The following CIT variants were observed in gnomAD, a reference collection of about 807,000 sequenced individuals.
CIT encodes citron rho-interacting serine/threonine kinase, also known as citron Rho-interacting kinase.
Under a neutral mutation model 272.7 loss-of-function variants are expected in CIT, and 79 were observed. The ratio of observed to expected loss-of-function variants is 0.29; its 90% CI spans 0.24 to 0.35. CIT has a LOEUF of 0.35. Ranked by LOEUF, CIT falls within the 10% of genes least tolerant of loss-of-function variation. CIT has a pLI of 1.00. For synonymous variants in CIT, 948 were observed against 995.6 expected (o/e 0.95, Z 0.90); for missense variants, 1,909 against 2,618.3 (o/e 0.73, Z 5.91).
intron 4 of CIT, among the ~76,000 whole-genome samples, chr12:119,852,811 G>C (rs183603542): frequency 9.2e-5 from 14 of 151,758 alleles, no homozygotes; most frequent in African/African-American, 2.7e-4. Flanking sequence ...ATATATTTCT[G>C]TGTATATATT....
At chr12:119,838,216 G>T (rs10849700) in intron 5 of CIT, among the ~76,000 whole-genome samples, 92,905 of 151,590 alleles carry the variant, frequency 0.61, 29,529 homozygotes, top group East Asian at 0.96. Flanking sequence ...GGGACTACAG[G>T]CATGCGCCAC....
At position 119,728,456 on chromosome 12, in the gene CIT, A is replaced by AC. The variant is rs1958249081; in HGVS notation, c.3591+45_3591+46insG. The AC allele has an allele frequency of 9.0e-7, 1 of 1,115,830 alleles. No homozygotes were observed. Among genetic ancestry groups the AC allele is most frequent in the Non-Finnish European group, 1.3e-6 (1 of 776,994 alleles). 69.1% of individuals were successfully genotyped at this position (1,115,830 alleles called of 1,614,324 possible). ...CCAAAAAAAAGAAGCCTATTAAAAG[A>AC]AAAAAAAAATCCACTTGGCCCTTCT... On this transcript the variant is annotated intron_variant, in intron 28 of 47. Coordinates refer to ENST00000392521, the MANE Select transcript of CIT (RefSeq NM_001206999.2). The surrounding 1 kb of genome is among the most constrained non-coding windows in gnomAD (Gnocchi z 4.3).
chr12:119,829,402 A>AAGAGAAGAGAAGAGC (rs1195057367), intron 7 of CIT, among the ~76,000 whole-genome samples: 195 of 150,284 alleles, frequency 1.3e-3, no homozygotes, highest in African/African-American at 4.6e-3. Context: ...AAGAGAAGAG[A>AAGAGAAGAGAAGAGC]AGAGCTTACA....
intron 24 of CIT, among the ~76,000 whole-genome samples, chr12:119,738,444 A>T (rs919405880): frequency 6.6e-6 from 1 of 152,196 alleles, no homozygotes; most frequent in Non-Finnish European, 1.5e-5. Flanking sequence ...GAGAGTAAAA[A>T]AGAGAAACTG....
intron 27 of CIT, among the ~76,000 whole-genome samples, chr12:119,729,543 T>A (rs1958314851): frequency 6.6e-6 from 1 of 152,188 alleles, no homozygotes; most frequent in African/African-American, 2.4e-5. Context: ...GTTAAATGAT[T>A]TTTAATAAAA....
chr12:119,798,411 C>T (rs554126979), intron 10 of CIT, among the ~76,000 whole-genome samples: 45 of 152,298 alleles, frequency 3.0e-4, no homozygotes, highest in Non-Finnish European at 5.1e-4. Context: ...TTTGATCTCC[C>T]CACGCCTCAG....
chr12:119,758,125 A>T (rs1294743316), intron 21 of CIT, among the ~76,000 whole-genome samples: 1 of 152,190 alleles, frequency 6.6e-6, no homozygotes, highest in East Asian at 1.9e-4. Flanking sequence ...GGGGAAAAAA[A>T]TCCTGGAGAT....
At chr12:119,873,519 A>G (rs1594023359) in intron 2 of CIT, among the ~76,000 whole-genome samples, 1 of 152,054 alleles carries the variant, frequency 6.6e-6, no homozygotes, top group East Asian at 1.9e-4. Context: ...ACCTCAAGCA[A>G]TCCACCCACC....
intron 5 of CIT, among the ~76,000 whole-genome samples, chr12:119,836,529 AT>A (rs1183652587): frequency 2.0e-5 from 3 of 152,106 alleles, no homozygotes; most frequent in Non-Finnish European, 1.5e-5. Context: ...TTTTAAATAT[AT>A]ATTGACATCG....
chr12:119,850,727 G>C (rs894075107), intron 4 of CIT, among the ~76,000 whole-genome samples: 7 of 152,124 alleles, frequency 4.6e-5, no homozygotes, highest in African/African-American at 1.4e-4. Context: ...TGTGGAACAA[G>C]GTAAGCATCC....
intron 4 of CIT, among the ~76,000 whole-genome samples, chr12:119,853,324 C>CAAAAAAAAAAAA (rs199867661): frequency 1.2e-5 from 1 of 82,704 alleles, no homozygotes. Flanking sequence ...ACTCTGTCTC[C>CAAAAAAAAAAAA]AAAAAAAAAA....
Position 119,701,968 on chromosome 12 carries a change from G to C in CIT, c.5305-10C>G. 1.9e-6 allele frequency: 3 copies of C among 1,591,806 alleles called. No homozygotes were observed. Among genetic ancestry groups the C allele is most frequent in the Non-Finnish European group, 2.6e-6 (3 of 1,159,924 alleles). ...CTGAGGTCTCTATCTCCTGAGACATGAGAGCAGAAGAGAAGGATGTGAGAG... is the reference window on the plus strand; with the variant it reads ...CTGAGGTCTCTATCTCCTGAGACATCAGAGCAGAAGAGAAGGATGTGAGAG... On this transcript the variant is annotated splice_polypyrimidine_tract_variant and intron_variant, in intron 41 of 47. Coordinates refer to ENST00000392521, the MANE Select transcript of CIT (RefSeq NM_001206999.2).
At position 119,694,539 on chromosome 12, in the gene CIT, C is replaced by T. The variant is rs1444300220; in HGVS notation, c.5882+3120G>A. 2.0e-5 allele frequency among the ~76,000 whole-genome samples: 3 copies of T among 152,160 alleles called. No individual in the cohort carries two copies. Among genetic ancestry groups the T allele is most frequent in the Non-Finnish European group, 2.9e-5 (2 of 68,034 alleles). On this transcript the variant is annotated intron_variant, in intron 46 of 47. Transcript: ENST00000392521. This position sits in a 1 kb window ranked among gnomAD's most constrained non-coding sequence, Gnocchi z 4.5. ...GGAGGGGTGGTTGCGTGTAGTGGCT[C>T]ACACCTGTAATCCCAGCACTTTGGG...
At chr12:119,831,105 G>A (rs115539707) in intron 7 of CIT, among the ~76,000 whole-genome samples, 224 of 152,132 alleles carry the variant, frequency 1.5e-3, no homozygotes, top group African/African-American at 4.9e-3. Context: ...CAATCCTCCC[G>A]CCTCGACCTC....
intron 47 of CIT, among the ~76,000 whole-genome samples, chr12:119,689,378 G>A (rs1287607597): frequency 3.3e-5 from 5 of 150,752 alleles, no homozygotes; most frequent in African/African-American, 1.2e-4. Flanking sequence ...GCAAGACGCT[G>A]TCTCTCAAAA....
At chr12:119,734,422 G>C in intron 25 of CIT, 65 bp from the exon 26 acceptor site, 1 of 1,541,400 alleles carries the variant, frequency 6.5e-7, no homozygotes, top group Non-Finnish European at 8.9e-7. Flanking sequence ...GATTACTTTG[G>C]TCGGGTCAGT....
At chr12:119,742,696 T>G (rs539337152) in intron 23 of CIT, 21 of 385,844 alleles carry the variant, frequency 5.4e-5, no homozygotes, top group Admixed American at 1.3e-4. Flanking sequence ...ATGCACACCC[T>G]GTACAAATAT....
At chr12:119,736,388 T>TA (rs922005138) in intron 24 of CIT, among the ~76,000 whole-genome samples, 12 of 151,882 alleles carry the variant, frequency 7.9e-5, no homozygotes, top group Middle Eastern at 3.4e-3. Context: ...ATTATCAATT[T>TA]AAAAAAAAAT....
chr12:119,844,976 C>T (rs1182960174), intron 5 of CIT, among the ~76,000 whole-genome samples: 1 of 151,866 alleles, frequency 6.6e-6, no homozygotes, highest in Non-Finnish European at 1.5e-5. Context: ...AAAAATTAAA[C>T]GAACATGGTG....
Sources: gnomAD v4.1 joint callset for allele counts (sites outside exome capture counted in the v4.1 genomes callset) on GRCh38, gnomAD v4.1.1 for gene constraint, Gnocchi (gnomAD v3.1) non-coding constraint, MANE v1.5 for transcripts, NCBI Gene and HGNC (gene_info 2026-07-23, HGNC 2026-07-21) for gene names.